The following TTC6 variants were observed in gnomAD, a reference collection of about 807,000 sequenced individuals.
The protein encoded by TTC6 is tetratricopeptide repeat domain 6.
TTC6 carries 172 observed loss-of-function variants against 210.4 expected under a neutral mutation model. The ratio of observed to expected loss-of-function variants is 0.82; its 90% CI spans 0.72 to 0.93. The LOEUF (loss-of-function observed/expected upper bound fraction) is 0.93. Among genes scored for constraint, TTC6 ranks in the 40% least tolerant of loss-of-function variants. TTC6 has a pLI of 0.00. For synonymous variants in TTC6, 804 were observed against 819.6 expected, an observed-to-expected ratio of 0.98 and a Z score of 0.32; for missense variants, 2,414 against 2,318.1, an observed-to-expected ratio of 1.04 and a Z score of -0.85.
chr14:37,649,174 C>T (rs751517874), intron 1 of TTC6, among the ~76,000 whole-genome samples: 2 of 152,130 alleles, frequency 1.3e-5, no homozygotes, highest in Non-Finnish European at 2.9e-5. Flanking sequence ...CTTGGGTGCA[C>T]AGAAATCATT....
chr14:37,669,450 T>C (rs1420269359), intron 1 of TTC6, among the ~76,000 whole-genome samples: 1 of 152,030 alleles, frequency 6.6e-6, no homozygotes, highest in Non-Finnish European at 1.5e-5. Context: ...ACACATTTAG[T>C]TTCTACTTCT....
intron 25 of TTC6, among the ~76,000 whole-genome samples, chr14:37,817,104 C>T (rs2096143815): frequency 6.6e-6 from 1 of 152,312 alleles, no homozygotes; most frequent in African/African-American, 2.4e-5. Flanking sequence ...GCAGCCCCAG[C>T]TCATCCACAC....
At chr14:37,670,510 G>A (rs910305221) in intron 1 of TTC6, among the ~76,000 whole-genome samples, 2 of 97,756 alleles carry the variant, frequency 2.0e-5, no homozygotes, top group Non-Finnish European at 3.9e-5. Flanking sequence ...TCCCTCTGTT[G>A]TCGAGGCTGG....
chr14:37,791,364 A>C (rs902939870), intron 16 of TTC6, among the ~76,000 whole-genome samples: 1 of 152,194 alleles, frequency 6.6e-6, no homozygotes, highest in Non-Finnish European at 1.5e-5. Context: ...TAAATGCACT[A>C]GTCAGAAAGT....
At chr14:37,654,831 C>T (rs567190191) in intron 1 of TTC6, among the ~76,000 whole-genome samples, 2 of 152,084 alleles carry the variant, frequency 1.3e-5, no homozygotes, top group African/African-American at 4.8e-5. Flanking sequence ...CATAATAGCA[C>T]GCCCAGAATA....
At chr14:37,824,026 G>A (rs543017282) in intron 27 of TTC6, 69 bp downstream of exon 29, 768 of 1,340,742 alleles carry the variant, frequency 5.7e-4, no homozygotes, top group South Asian at 1.2e-3. Context: ...GCTCTTTCCT[G>A]GCAATGGGAG....
chr14:37,775,133 A>T lies in TTC6; in HGVS notation c.3267-12335A>T, dbSNP rs540311932. Reference sequence around the variant, plus strand: ...GGATCTTCTTATTTTGTAATTTATTAGCCTAGTTAGTGGTCTATCTATCTT... The same window carrying T: ...GGATCTTCTTATTTTGTAATTTATTTGCCTAGTTAGTGGTCTATCTATCTT... On this transcript the variant is annotated intron_variant, in intron 14 of 30. Transcript: ENST00000553443. Among the ~76,000 whole-genome samples, 3 of 152,250 alleles carry T rather than the reference A, an allele frequency of 2.0e-5. No individual in the cohort carries two copies. The East Asian group carries it at 5.8e-4, about 29-fold the overall frequency.
chr14:37,827,307 T>G lies in TTC6; in HGVS notation c.5239T>G (p.Tyr1747Asp), dbSNP rs777661458. Reference sequence around the variant, plus strand: ...AGATGCAATTACTCTAAACCCCAAGTACTCGCTGGCTTACTTTAATGCAGG... The same window carrying G: ...AGATGCAATTACTCTAAACCCCAAGGACTCGCTGGCTTACTTTAATGCAGG... The change falls in exon 29 of 31, where the codon TAC (tyrosine) becomes GAC (aspartate). Residue 1747 changes from tyrosine to aspartate, a missense_variant. Tyr to Asp is a radical substitution (Grantham distance 160). Transcript: ENST00000553443. 3.1e-6 allele frequency: 5 copies of G among 1,613,184 alleles called. No homozygotes were observed. The African/African-American group carries it at 6.7e-5, about 22-fold the overall frequency.
intron 5 of TTC6, among the ~76,000 whole-genome samples, chr14:37,707,007 C>CT (rs1340991770): frequency 6.6e-6 from 1 of 151,588 alleles, no homozygotes; most frequent in African/African-American, 2.4e-5. Context: ...TCTCTTTTTC[C>CT]TTTTTTGCTT....
intron 7 of TTC6, among the ~76,000 whole-genome samples, chr14:37,727,716 A>G (rs2095876471): frequency 6.7e-6 from 1 of 150,196 alleles, no homozygotes; most frequent in Non-Finnish European, 1.5e-5. Flanking sequence ...TTTCATTTGC[A>G]GTGTCTTTAT....
chr14:37,803,468 C>T (rs1034928357), intron 20 of TTC6, among the ~76,000 whole-genome samples: 3 of 152,028 alleles, frequency 2.0e-5, no homozygotes, highest in Non-Finnish European at 2.9e-5. Flanking sequence ...CAGATGACAC[C>T]GTGGAGTAGT....
intron 1 of TTC6, among the ~76,000 whole-genome samples, chr14:37,602,809 G>A (rs1465753244): frequency 6.6e-6 from 1 of 152,200 alleles, no homozygotes; most frequent in Non-Finnish European, 1.5e-5. Flanking sequence ...CAGGTTTCGA[G>A]TTTTAGCAGA....
chr14:37,804,730 TA>T lies in TTC6; in HGVS notation c.4083del (p.Gly1362AspfsTer36). On this transcript the variant is annotated frameshift_variant, in exon 21 of 31. Coordinates refer to ENST00000553443, the Ensembl canonical transcript of TTC6. LOFTEE classifies it high-confidence loss of function. The stretch of plus-strand genomic sequence containing the variant: ...CTTTGGATGCCATTTCTCATTCTGA[TA>T]AAGGACCAGATGCCACAGCAATTTC... 2 of 1,614,188 alleles carry T rather than the reference TA, an allele frequency of 1.2e-6. No homozygotes were observed. The highest frequency in any genetic ancestry group is 1.7e-6 in the Non-Finnish European group (2 of 1,180,014).
At chr14:37,639,724 A>G (rs1249622449) in intron 1 of TTC6, among the ~76,000 whole-genome samples, 2 of 150,174 alleles carry the variant, frequency 1.3e-5, no homozygotes, top group East Asian at 3.9e-4. Context: ...ACAAAAAAAA[A>G]AAAAAAAAAA....
intron 15 of TTC6, among the ~76,000 whole-genome samples, chr14:37,789,386 T>A (rs1296446578): frequency 6.6e-6 from 1 of 151,870 alleles, no homozygotes; most frequent in Non-Finnish European, 1.5e-5. Context: ...TGCAGCTGAT[T>A]TTTTAATTGC....
intron 1 of TTC6, among the ~76,000 whole-genome samples, chr14:37,673,129 G>A (rs368235410): frequency 3.3e-5 from 5 of 152,010 alleles, no homozygotes; most frequent in African/African-American, 4.8e-5. Context: ...ACAGGTCTAT[G>A]GAATACAGGG....
At chr14:37,683,145 T>C (rs1357807411) in intron 3 of TTC6, among the ~76,000 whole-genome samples, 181 bp downstream of exon 5, 3 of 152,070 alleles carry the variant, frequency 2.0e-5, no homozygotes, top group African/African-American at 7.2e-5. Context: ...GAAACATGTT[T>C]TTTGAGGGTT....
chr14:37,785,412 C>T (rs913000399), intron 14 of TTC6, among the ~76,000 whole-genome samples: 1 of 152,190 alleles, frequency 6.6e-6, no homozygotes, highest in Non-Finnish European at 1.5e-5. Flanking sequence ...ATTGAATTGG[C>T]TACTGAAGCT....
At chr14:37,621,727 G>C (rs1164491641), upstream of TTC6, among the ~76,000 whole-genome samples, 2 of 152,200 alleles carry the variant, frequency 1.3e-5, no homozygotes, top group Non-Finnish European at 2.9e-5. Flanking sequence ...GATTTTCTAA[G>C]CTATGTTTAG....
Sources: gnomAD v4.1 joint callset for allele counts (sites outside exome capture counted in the v4.1 genomes callset) on GRCh38, gnomAD v4.1.1 for gene constraint, MANE v1.5 for transcripts, NCBI Gene and HGNC (gene_info 2026-07-23, HGNC 2026-07-21) for gene names.